Variants in KAZN observed in about 807,000 individuals in gnomAD.
The protein encoded by KAZN is kazrin.
In KAZN, 40 loss-of-function variants were observed where a neutral mutation model predicts 87.4. That is an observed-to-expected ratio of 0.46 (90% confidence interval 0.36 to 0.60). KAZN has a LOEUF of 0.60. Among genes scored for constraint, KAZN ranks in the 20% least tolerant of loss-of-function variants. The pLI is 0.00. For synonymous variants in KAZN, 466 were observed against 458.3 expected (o/e 1.02, Z -0.22); for missense variants, 898 against 1,073.9 (o/e 0.84, Z 2.29).
chr1:14,243,937 G>T (rs1649248160), intron 2 of KAZN, among the ~76,000 whole-genome samples: 1 of 152,124 alleles, frequency 6.6e-6, no homozygotes, highest in Admixed American at 6.5e-5. Context: ...AGCTACCCTG[G>T]GGGAGCCAAG....
chr1:14,525,681 G>A (rs1237646227), intron 2 of KAZN, among the ~76,000 whole-genome samples: 1 of 151,720 alleles, frequency 6.6e-6, no homozygotes, highest in East Asian at 1.9e-4. Flanking sequence ...TTTCCCATAG[G>A]AAAAAAAATG....
At position 14,440,262 on chromosome 1, in the gene KAZN, G is replaced by A. The variant is rs113830669; in HGVS notation, c.250-158721G>A. On this transcript the variant is annotated intron_variant, in intron 2 of 16. Transcript: ENST00000636203. Reference sequence around the variant, plus strand: ...GCAGGAGGGTGATATTCTAGGTGACGGAGACTGCCCGCAACTCCTCTCCGT... The same window carrying A: ...GCAGGAGGGTGATATTCTAGGTGACAGAGACTGCCCGCAACTCCTCTCCGT... Among the ~76,000 whole-genome samples, 1,461 of 152,302 alleles carry A rather than the reference G, an allele frequency of 9.6e-3. 14 individuals are homozygous for A. The highest frequency in any genetic ancestry group is 0.015 in the Non-Finnish European group (1,033 of 68,028).
At chr1:14,665,932 CAAAAAA>C (rs60081619) in intron 1 of KAZN, among the ~76,000 whole-genome samples, 33 of 108,026 alleles carry the variant, frequency 3.1e-4, no homozygotes, top group Non-Finnish European at 4.4e-4. Flanking sequence ...AAGCTTTGCT[CAAAAAA>C]AAAAAAAAAA....
intron 2 of KAZN, among the ~76,000 whole-genome samples, chr1:14,331,946 T>C (rs1224244155): frequency 6.6e-6 from 1 of 152,188 alleles, no homozygotes; most frequent in Non-Finnish European, 1.5e-5. Context: ...ATACTTAATA[T>C]TATATTTCTA....
intron 1 of KAZN, among the ~76,000 whole-genome samples, chr1:14,655,390 T>C (rs1638727601): frequency 6.6e-6 from 1 of 152,236 alleles, no homozygotes; most frequent in African/African-American, 2.4e-5. Flanking sequence ...CCGATAAATT[T>C]ATATCCCTAC....
intron 1 of KAZN, among the ~76,000 whole-genome samples, chr1:14,928,232 C>G (rs546732116): frequency 3.2e-4 from 49 of 152,166 alleles, no homozygotes; most frequent in African/African-American, 1.1e-3. Flanking sequence ...GGGCGGATCA[C>G]GAGGTCAGGA....
rs563539375 is a variant in KAZN at position 14,436,734 on chromosome 1, A to AAAAAAAAAAAAAAACAAAAAC, written c.250-162245_250-162244insAAAAAAAAAACAAAAACAAAA. On this transcript the variant is annotated intron_variant, in intron 2 of 16. Coordinates refer to the KAZN transcript ENST00000636203. ...CTCTGTCTCAAAAAAAAAAAAAAAAAAAAACCTTAAAACAATCCTGAGAGG... is the reference window on the plus strand; with the variant it reads ...CTCTGTCTCAAAAAAAAAAAAAAAAAAAAAAAAAAAAAAACAAAAACAAAACCTTAAAACAATCCTGAGAGG... 5.8e-5 allele frequency among the ~76,000 whole-genome samples: 8 copies of AAAAAAAAAAAAAAACAAAAAC among 137,404 alleles called. 2 individuals carry two copies. Among genetic ancestry groups the AAAAAAAAAAAAAAACAAAAAC allele is most frequent in the Non-Finnish European group, 9.2e-5 (6 of 64,922 alleles). The allele number at this position is 137,404 out of a possible 152,430, so 90.1% of individuals were successfully genotyped here.
intron 2 of KAZN, among the ~76,000 whole-genome samples, chr1:14,558,675 C>T (rs899331038): frequency 6.6e-6 from 1 of 152,012 alleles, no homozygotes; most frequent in African/African-American, 2.4e-5. Flanking sequence ...GGCTTGTGAG[C>T]GTTTGCATAT....
In KAZN at chr1:14,617,264, TCA is replaced by T. The variant is rs372041801; in HGVS notation, c.226+18046_226+18047del. Among the ~76,000 whole-genome samples the T allele has an allele frequency of 2.0e-4, 30 of 152,302 alleles. No individual in the cohort carries two copies. The East Asian group carries it at 5.6e-3, about 28-fold the overall frequency. ...AAAGCAAATATCGAAATAAAGTGAG[TCA>T]CACAAATTTTTTGGTTTCCCAGTGC... is the stretch of plus-strand genomic sequence containing the variant. On this transcript the variant is annotated intron_variant, in intron 1 of 14. Transcript: ENST00000376030.
intron 2 of KAZN, among the ~76,000 whole-genome samples, chr1:14,354,541 AAAG>A (rs1571372476): frequency 6.6e-6 from 1 of 152,166 alleles, no homozygotes; most frequent in African/African-American, 2.4e-5. Flanking sequence ...TATAAATGAT[AAAG>A]AAGAACATAA....
chr1:14,111,703 C>T (rs996213439), intron 1 of KAZN, among the ~76,000 whole-genome samples: 2 of 131,854 alleles, frequency 1.5e-5, no homozygotes, highest in Non-Finnish European at 3.2e-5. Context: ...CTCTGGACTC[C>T]ACACCTGATG....
intron 1 of KAZN, among the ~76,000 whole-genome samples, chr1:13,934,301 G>A (rs1158383683): frequency 6.6e-6 from 1 of 152,140 alleles, no homozygotes; most frequent in Non-Finnish European, 1.5e-5. Flanking sequence ...CACTGGGGGT[G>A]TGTGAAGAGC....
At chr1:14,040,781 A>C (rs185506182) in intron 1 of KAZN, among the ~76,000 whole-genome samples, 2 of 144,222 alleles carry the variant, frequency 1.4e-5, no homozygotes, top group East Asian at 3.9e-4. Flanking sequence ...ATTAAAATAA[A>C]ATAAAATTAA....
intron 1 of KAZN, among the ~76,000 whole-genome samples, chr1:14,144,170 G>A (rs189687072): frequency 2.4e-4 from 36 of 152,174 alleles, no homozygotes; most frequent in Middle Eastern, 6.8e-3. Context: ...TCCTCAACTC[G>A]GATAAGCAGT....
At chr1:15,022,847 T>C (rs1346223317) in intron 2 of KAZN, among the ~76,000 whole-genome samples, 1 of 152,192 alleles carries the variant, frequency 6.6e-6, no homozygotes, top group Non-Finnish European at 1.5e-5. Flanking sequence ...AGCTGCGGGT[T>C]CTACCTGGAT....
At chr1:14,221,202 T>C (rs1157829793) in intron 2 of KAZN, among the ~76,000 whole-genome samples, 1 of 152,220 alleles carries the variant, frequency 6.6e-6, no homozygotes, top group Non-Finnish European at 1.5e-5. Context: ...CATCCCTTTG[T>C]GGATGATTTT....
chr1:14,351,783 C>T (rs559582942), intron 2 of KAZN, among the ~76,000 whole-genome samples: 1 of 152,244 alleles, frequency 6.6e-6, no homozygotes, highest in African/African-American at 2.4e-5. Context: ...AGCTAGACCC[C>T]GTATGCAATA....
At chr1:14,469,585 A>G (rs1218178873) in intron 2 of KAZN, among the ~76,000 whole-genome samples, 1 of 152,238 alleles carries the variant, frequency 6.6e-6, no homozygotes, top group East Asian at 1.9e-4. Flanking sequence ...CAGAGGCATT[A>G]TTTTGCCATC....
At position 13,929,188 on chromosome 1, in the gene KAZN, G is replaced by A. The variant is rs529083345; in HGVS notation, c.91+35432G>A. Among the ~76,000 whole-genome samples the A allele has an allele frequency of 5.9e-5, 9 of 152,042 alleles. No individual in the cohort carries two copies. In the South Asian group the frequency reaches 1.9e-3, roughly 32 times the overall value. The stretch of plus-strand genomic sequence containing the variant: ...TTCCACCTCAGCCTCCCAAGGAGCT[G>A]GGATTACAAGCACGAGCCTGGCCCA... On this transcript the variant is annotated intron_variant, in intron 1 of 16. Transcript: ENST00000636203.
Sources: allele counts gnomAD v4.1 joint callset (sites outside exome capture counted in the v4.1 genomes callset), GRCh38; gene constraint gnomAD v4.1.1; transcripts MANE v1.5; gene names NCBI Gene and HGNC (gene_info 2026-07-23, HGNC 2026-07-21).